KLF8: variants seen among roughly 807,000 people sequenced by gnomAD.
KLF8 encodes the protein KLF transcription factor 8.
Under a neutral mutation model 18.2 loss-of-function variants are expected in KLF8, and 10 were observed. The ratio of observed to expected loss-of-function variants is 0.55; its 90% confidence interval spans 0.34 to 0.93. The LOEUF (loss-of-function observed/expected upper bound fraction) is 0.93. KLF8 is among the 40% of genes least tolerant of loss of function. KLF8 has a pLI of 0.02. For synonymous variants in KLF8, 109 were observed against 97.3 expected, an observed-to-expected ratio of 1.12 and a Z score of -0.71; for missense variants, 264 against 277.9, an observed-to-expected ratio of 0.95 and a Z score of 0.36.
chrX:56,016,101 A>G, the KLF8 span, among the ~76,000 whole-genome samples: 2 of 111,788 alleles, frequency 1.8e-5, no homozygotes, highest in African/African-American at 6.5e-5. Flanking sequence ...TTAGCATGCT[A>G]TTGAACCTGG....
the KLF8 span, among the ~76,000 whole-genome samples, chrX:56,185,342 T>A: frequency 9.0e-6 from 1 of 111,680 alleles, no homozygotes; most frequent in Admixed American, 9.5e-5. Flanking sequence ...TAAAAAGAAA[T>A]GTGCAAAGCC....
At chrX:56,231,347 A>G (rs2066400395), upstream of KLF8, among the ~76,000 whole-genome samples, 1 of 111,981 alleles carries the variant, frequency 8.9e-6, no homozygotes, top group Non-Finnish European at 1.9e-5. Context: ...TACTGGGCTG[A>G]GGCCTTCCGT....
chrX:56,189,104 T>C, the KLF8 span, among the ~76,000 whole-genome samples: 1 of 110,263 alleles, frequency 9.1e-6, no homozygotes, highest in Non-Finnish European at 1.9e-5. Flanking sequence ...TGGGAGAAAA[T>C]TTTTGCAATC....
chrX:56,195,674 G>T, the KLF8 span, among the ~76,000 whole-genome samples: 1 of 111,895 alleles, frequency 8.9e-6, no homozygotes, highest in South Asian at 3.7e-4. Context: ...TATTATCCAG[G>T]AGAATTTCTC....
the KLF8 span, among the ~76,000 whole-genome samples, chrX:55,936,738 C>A: frequency 5.4e-5 from 6 of 111,896 alleles, no homozygotes; most frequent in Admixed American, 1.9e-4. Context: ...TATCCTGCAC[C>A]TGGTTCAGAG....
At chrX:56,182,406 A>G in the KLF8 span, among the ~76,000 whole-genome samples, 1 of 111,864 alleles carries the variant, frequency 8.9e-6, no homozygotes, top group Admixed American at 9.5e-5. Context: ...GTGGGTTTGA[A>G]CATCCTCCTT....
At chrX:56,176,137 C>G in the KLF8 span, among the ~76,000 whole-genome samples, 4 of 111,741 alleles carry the variant, frequency 3.6e-5, no homozygotes, top group Non-Finnish European at 7.5e-5. Context: ...GAATTTGATC[C>G]TGGCATTATG....
chrX:56,183,321 G>C, the KLF8 span, among the ~76,000 whole-genome samples: 2 of 112,231 alleles, frequency 1.8e-5, no homozygotes, highest in African/African-American at 3.2e-5. Context: ...TGATGGAAAA[G>C]TGCAGTATTA....
At chrX:56,096,873 T>C in the KLF8 span, among the ~76,000 whole-genome samples, 5 of 111,331 alleles carry the variant, frequency 4.5e-5, no homozygotes, top group Non-Finnish European at 7.6e-5. Flanking sequence ...ATTAAGATGA[T>C]ACTAAACATT....
chrX:56,190,146 C>T, the KLF8 span, among the ~76,000 whole-genome samples: 17 of 111,248 alleles, frequency 1.5e-4, no homozygotes, highest in Non-Finnish European at 3.2e-4. Flanking sequence ...AATTATATTG[C>T]ATGCCATTGG....
the KLF8 span, among the ~76,000 whole-genome samples, chrX:56,184,858 A>T: frequency 5.3e-5 from 6 of 112,286 alleles, no homozygotes; most frequent in African/African-American, 1.6e-4. Context: ...GGACATCCAC[A>T]CCAAAAACCC....
the KLF8 span, among the ~76,000 whole-genome samples, chrX:55,987,181 C>CTT: frequency 3.9e-4 from 38 of 98,493 alleles, no homozygotes; most frequent in East Asian, 1.6e-3. Context: ...TTTGAAGTTT[C>CTT]TTTTTTTTTT....
At position 56,289,103 on chromosome X, in the gene KLF8, ATACTT is replaced by A. The variant is rs922745781; in HGVS notation, c.*4612_*4616del. On this transcript the variant is annotated 3_prime_UTR_variant, in exon 6 of 6. Coordinates refer to ENST00000468660, the MANE Select transcript of KLF8 (RefSeq NM_007250.5). ...TCTCCCCCATTTATTTATTTATACA[ATACTT>A]TATTTATATCAGCATGGACTCATGG... Among the ~76,000 whole-genome samples, 1 of 112,211 alleles carries A rather than the reference ATACTT, an allele frequency of 8.9e-6. No individual in the cohort carries two copies. Among genetic ancestry groups the A allele is most frequent in the Non-Finnish European group, 1.9e-5 (1 of 53,281 alleles).
At chrX:55,958,138 A>C in the KLF8 span, among the ~76,000 whole-genome samples, 2 of 112,447 alleles carry the variant, frequency 1.8e-5, no homozygotes, top group Non-Finnish European at 3.8e-5. Context: ...CTTCTGATGT[A>C]ACAGATGTAA....
chrX:56,275,190 A>G (rs1270694738), intron 5 of KLF8, among the ~76,000 whole-genome samples: 1 of 111,397 alleles, frequency 9.0e-6, no homozygotes, highest in Non-Finnish European at 1.9e-5. Context: ...AATGTTTTAT[A>G]GTATATATTG....
chrX:55,947,248 C>G, the KLF8 span, among the ~76,000 whole-genome samples: 3 of 110,495 alleles, frequency 2.7e-5, no homozygotes, highest in African/African-American at 6.6e-5. Context: ...AAATGTCCAA[C>G]AATGATAGAC....
the KLF8 span, among the ~76,000 whole-genome samples, chrX:56,089,290 AT>A: frequency 7.1e-5 from 8 of 112,022 alleles, no homozygotes; most frequent in Non-Finnish European, 1.5e-4. Context: ...GTAAATGACT[AT>A]TTAATTTTTA....
At chrX:56,040,125 G>A in the KLF8 span, among the ~76,000 whole-genome samples, 1 of 111,247 alleles carries the variant, frequency 9.0e-6, no homozygotes, top group African/African-American at 3.3e-5. Flanking sequence ...AAGCTTTTGG[G>A]CTGAGACAAT....
chrX:56,184,813 T>C, the KLF8 span, among the ~76,000 whole-genome samples: 1 of 111,853 alleles, frequency 8.9e-6, no homozygotes, highest in African/African-American at 3.3e-5. Flanking sequence ...CAGCTGAGGG[T>C]CCTGTCTGTT....
Sources: allele counts gnomAD v4.1 joint callset (sites outside exome capture counted in the v4.1 genomes callset), GRCh38; gene constraint gnomAD v4.1.1; transcripts MANE v1.5; gene names NCBI Gene and HGNC (gene_info 2026-07-23, HGNC 2026-07-21).